The following PRKCE variants were observed in gnomAD, a reference collection of about 807,000 sequenced individuals.
PRKCE encodes the protein protein kinase C epsilon type.
Under a neutral mutation model 85.4 loss-of-function variants are expected in PRKCE, and 16 were observed. That is an observed-to-expected ratio of 0.19 (90% CI 0.13 to 0.28). The LOEUF (loss-of-function observed/expected upper bound fraction) is 0.28. PRKCE is among the 10% of genes least tolerant of loss of function. The pLI, the probability that PRKCE is intolerant of heterozygous loss-of-function variation, is 1.00. For missense variants in PRKCE, 573 were observed against 975.2 expected (o/e 0.59, Z 5.49); for synonymous variants, 388 against 371.5 (o/e 1.04, Z -0.51).
intron 2 of PRKCE, among the ~76,000 whole-genome samples, chr2:45,962,074 A>C (rs565049581): frequency 1.3e-5 from 2 of 152,286 alleles, no homozygotes; most frequent in East Asian, 3.9e-4. Context: ...GCTTAAACCA[A>C]AACCTACTGA....
At chr2:45,899,897 A>G (rs909417005) in intron 2 of PRKCE, among the ~76,000 whole-genome samples, 1 of 152,194 alleles carries the variant, frequency 6.6e-6, no homozygotes, top group Non-Finnish European at 1.5e-5. Flanking sequence ...TATTTCTAGC[A>G]TGAAGGGGCT....
intron 10 of PRKCE, among the ~76,000 whole-genome samples, chr2:46,016,581 A>T (rs1375336268): frequency 6.6e-6 from 1 of 152,068 alleles, no homozygotes; most frequent in Non-Finnish European, 1.5e-5. Context: ...CATATAAGGA[A>T]ACCTTACATT....
At chr2:45,987,498 G>C (rs1050230480) in intron 6 of PRKCE, among the ~76,000 whole-genome samples, 11 of 151,882 alleles carry the variant, frequency 7.2e-5, no homozygotes, top group Admixed American at 5.9e-4. Context: ...CTTTAATTAA[G>C]AAACCTTATT....
intron 1 of PRKCE, among the ~76,000 whole-genome samples, chr2:45,669,097 A>G (rs1043131293): frequency 7.3e-5 from 11 of 151,518 alleles, no homozygotes; most frequent in Non-Finnish European, 7.4e-5. Flanking sequence ...TTAGAAGCCC[A>G]CCCCCTCACA....
intron 1 of PRKCE, among the ~76,000 whole-genome samples, chr2:45,810,741 G>A (rs368274069): frequency 6.6e-6 from 1 of 152,122 alleles, no homozygotes; most frequent in African/African-American, 2.4e-5. Flanking sequence ...GCACCATCAT[G>A]CTTAGCTAAT....
At chr2:45,827,617 C>T (rs1444796822) in intron 1 of PRKCE, among the ~76,000 whole-genome samples, 1 of 152,176 alleles carries the variant, frequency 6.6e-6, no homozygotes, top group African/African-American at 2.4e-5. Context: ...TACTTCAAAA[C>T]TTATGTATTA....
chr2:45,886,200 G>A (rs1695289499), intron 2 of PRKCE, among the ~76,000 whole-genome samples: 1 of 152,214 alleles, frequency 6.6e-6, no homozygotes, highest in African/African-American at 2.4e-5. Flanking sequence ...TGAAGTGCTT[G>A]CAGGACTGTC....
intron 1 of PRKCE, among the ~76,000 whole-genome samples, chr2:45,695,345 G>A (rs891471974): frequency 2.0e-5 from 3 of 152,152 alleles, no homozygotes; most frequent in African/African-American, 7.2e-5. Flanking sequence ...AGGTAGAGAG[G>A]TCAACTTCAT....
rs561839364 is a variant in PRKCE at position 45,903,887 on chromosome 2, TTTTG to T, written c.412+60852_412+60855del. On this transcript the variant is annotated intron_variant, in intron 2 of 14. Transcript: ENST00000306156. ...GAGAGCTTGTAGCCTGGCAGTTTTTTTTTGTTTGTTTGTTTGTTTGTTTGTTTGT... is the reference window on the plus strand; with the variant it reads ...GAGAGCTTGTAGCCTGGCAGTTTTTTTTTGTTTGTTTGTTTGTTTGTTTGT... 4.0e-4 allele frequency among the ~76,000 whole-genome samples: 41 copies of T among 102,610 alleles called. 3 individuals carry two copies. Among genetic ancestry groups the T allele is most frequent in the African/African-American group, 9.6e-4 (27 of 28,014 alleles). The allele number at this position is 102,610 out of a possible 152,430, so 67.3% of individuals were successfully genotyped here.
intron 2 of PRKCE, among the ~76,000 whole-genome samples, chr2:45,953,000 C>T (rs939707882): frequency 2.0e-5 from 3 of 152,122 alleles, no homozygotes; most frequent in Non-Finnish European, 4.4e-5. Context: ...AGGTCAAGCC[C>T]GTTGCCTTTC....
rs1190964944 is a variant in PRKCE at position 46,122,242 on chromosome 2, G to GT, written c.1593-22844dup. ...GTTTGTTTGTTTTTGTTTTTGTTTT[G>GT]TTTTTTTGAGACGGAGTCTTGTTCT... On this transcript the variant is annotated intron_variant, in intron 11 of 14. Coordinates refer to ENST00000306156, the MANE Select transcript of PRKCE (RefSeq NM_005400.3). Among the ~76,000 whole-genome samples, 3 of 151,916 alleles carry GT rather than the reference G, an allele frequency of 2.0e-5. No homozygotes were observed. The South Asian group carries it at 6.2e-4, about 32-fold the overall frequency.
chr2:45,773,029 T>C (rs546929769), intron 1 of PRKCE, among the ~76,000 whole-genome samples: 20 of 152,314 alleles, frequency 1.3e-4, no homozygotes, highest in African/African-American at 4.1e-4. Context: ...GCAAGAGCCC[T>C]ACCTAATAAC....
intron 10 of PRKCE, among the ~76,000 whole-genome samples, chr2:46,042,201 A>G (rs1574312782): frequency 6.6e-6 from 1 of 152,320 alleles, no homozygotes. Flanking sequence ...TGTGAATTTC[A>G]TCAATTCTTC....
Position 46,007,567 on chromosome 2 carries a change from G to A in PRKCE, c.1169G>A (p.Gly390Asp). The stretch of plus-strand genomic sequence containing the variant: ...CCTGATGGCCAGCTGATGAGCCCCG[G>A]TGAGAATGGCGAAGTCCGGCAAGGC... ...SSPDGQLMSP[G>D]ENGEVRQGQA... The change falls in exon 9 of 15, where the codon GGT (glycine) becomes GAT (aspartate). Residue 390 changes from glycine (G) to aspartate (D), a missense_variant. Gly to Asp is a moderately conservative substitution (Grantham distance 94). This residue lies in a region of PRKCE where 117 missense variants were observed against 104.8 expected (regional missense o/e 1.12). Coordinates refer to ENST00000306156, the MANE Select transcript of PRKCE (RefSeq NM_005400.3). The A allele has an allele frequency of 6.3e-7, 1 of 1,599,824 alleles. No individual in the cohort carries two copies. The highest frequency in any genetic ancestry group is 8.5e-7 in the Non-Finnish European group (1 of 1,179,972).
intron 1 of PRKCE, among the ~76,000 whole-genome samples, chr2:45,762,555 T>C (rs1684591492): frequency 6.6e-6 from 1 of 152,184 alleles, no homozygotes; most frequent in Non-Finnish European, 1.5e-5. Context: ...CAAAATGGCA[T>C]CTTGTGCCTG....
Position 46,171,900 on chromosome 2 carries a change from AG to A in PRKCE, c.2067+12149del, listed in dbSNP as rs149099748. 6.6e-5 allele frequency among the ~76,000 whole-genome samples: 10 copies of A among 152,336 alleles called. No homozygotes were observed. In the East Asian group the frequency reaches 1.9e-3, roughly 29 times the overall value. ...TCATCATTTAGCTCCAGTTATGAGGAGTACCAGGAAACAGAACCCCAGCACA... is the reference window on the plus strand; with the variant it reads ...TCATCATTTAGCTCCAGTTATGAGGATACCAGGAAACAGAACCCCAGCACA... On this transcript the variant is annotated intron_variant, in intron 14 of 14. Coordinates refer to ENST00000306156, the MANE Select transcript of PRKCE (RefSeq NM_005400.3).
Position 45,977,077 on chromosome 2 carries a change from A to G in PRKCE, c.572+489A>G, listed in dbSNP as rs188324406. Among the ~76,000 whole-genome samples, 27 of 152,106 alleles carry G rather than the reference A, an allele frequency of 1.8e-4. No individual in the cohort carries two copies. In the East Asian group the frequency reaches 5.1e-3, roughly 28 times the overall value. On this transcript the variant is annotated intron_variant, in intron 3 of 14. Coordinates refer to ENST00000306156, the MANE Select transcript of PRKCE (RefSeq NM_005400.3). ...ACGCCTGGCTAATTTTTGTATTTTT[A>G]GTAGAGGTAGGGTTTCGCCATGTTG...
At chr2:45,826,094 G>A (rs1689920148) in intron 1 of PRKCE, among the ~76,000 whole-genome samples, 1 of 152,120 alleles carries the variant, frequency 6.6e-6, no homozygotes, top group African/African-American at 2.4e-5. Context: ...CCCACCCAGG[G>A]CAGTAGAAGT....
At position 46,145,261 on chromosome 2, in the gene PRKCE, TC is replaced by T. The variant is rs1675950914; in HGVS notation, c.1731+32del. ...GACCTGTGTGCAAAGGTTCACCTCC[TC>T]CTGGTGCCAGGACCGAGGCAGGGGT... On this transcript the variant is annotated intron_variant, in intron 12 of 14. Transcript: ENST00000306156. This position sits in a 1 kb window ranked among gnomAD's most constrained non-coding sequence, Gnocchi z 4.6. 1 of 1,598,726 alleles carries T rather than the reference TC, an allele frequency of 6.3e-7. No homozygotes were observed. Among genetic ancestry groups the T allele is most frequent in the East Asian group, 2.2e-5 (1 of 44,856 alleles).
Sources: allele counts gnomAD v4.1 joint callset (sites outside exome capture counted in the v4.1 genomes callset), GRCh38; gene constraint gnomAD v4.1.1; regional missense constraint gnomAD v4.1.1; non-coding constraint Gnocchi (gnomAD v3.1); transcripts MANE v1.5; gene names NCBI Gene and HGNC (gene_info 2026-07-23, HGNC 2026-07-21).